Variants in DYNC1LI2 observed in about 807,000 individuals in gnomAD.
DYNC1LI2 encodes dynein cytoplasmic 1 light intermediate chain 2.
In DYNC1LI2, 19 loss-of-function variants were observed where a neutral mutation model predicts 57.8. That is an observed-to-expected ratio of 0.33 (90% CI 0.23 to 0.48). The LOEUF (loss-of-function observed/expected upper bound fraction) is 0.48. DYNC1LI2 is among the 20% of genes least tolerant of loss of function. DYNC1LI2 has a pLI of 0.99. For missense variants in DYNC1LI2, 470 were observed against 604.2 expected, an observed-to-expected ratio of 0.78 and a Z score of 2.33; for synonymous variants, 256 against 233.4, an observed-to-expected ratio of 1.10 and a Z score of -0.88.
chr16:66,733,379 T>A (rs1369948654), intron 6 of DYNC1LI2: 2 of 152,202 alleles, frequency 1.3e-5, no homozygotes, highest in Admixed American at 1.3e-4. Flanking sequence ...CTGGCCAACA[T>A]GCTGAAACCG....
chr16:66,751,166 C>T lies in DYNC1LI2; in HGVS notation c.181+107G>A. The T allele has an allele frequency of 1.5e-6, 2 of 1,318,452 alleles. No individual in the cohort carries two copies. Among genetic ancestry groups the T allele is most frequent in the Non-Finnish European group, 1.0e-6 (1 of 972,360 alleles). The allele number at this position is 1,318,452 out of a possible 1,614,324, so 81.7% of individuals were successfully genotyped here. ...CCAGGGCCGACGGTCCCTTTCCCGC[C>T]AGGCTGCGGGCAGGCGGCTGGAACG... On this transcript the variant is annotated intron_variant, in intron 2 of 12. Transcript: ENST00000258198. The surrounding 1 kb of genome is among the most constrained non-coding windows in gnomAD (Gnocchi z 5.2).
chr16:66,750,017 T>A (rs1369005707), intron 2 of DYNC1LI2, among the ~76,000 whole-genome samples: 1 of 152,170 alleles, frequency 6.6e-6, no homozygotes. Flanking sequence ...TTACAGAACA[T>A]GAGAATTGAA....
rs2018039598 is a variant in DYNC1LI2, at chr16:66,751,081, C to G, written c.181+192G>C. On this transcript the variant is annotated intron_variant, in intron 2 of 12. Coordinates refer to ENST00000258198, the MANE Select transcript of DYNC1LI2 (RefSeq NM_006141.3). This position sits in a 1 kb window ranked among gnomAD's most constrained non-coding sequence, Gnocchi z 5.2. ...AACCCCAAAGCACCACTACGCTCTC[C>G]AAAGAGGGCAGCATCCCACCCTCAG... 2.0e-5 allele frequency among the ~76,000 whole-genome samples: 3 copies of G among 152,222 alleles called. No individual in the cohort carries two copies. The highest frequency in any genetic ancestry group is 2.0e-4 in the Admixed American group (3 of 15,290).
intron 4 of DYNC1LI2, chr16:66,738,291 G>A (rs529348546): frequency 3.1e-5 from 4 of 128,754 alleles, no homozygotes; most frequent in South Asian, 2.5e-4. Flanking sequence ...CTCTGTTGCC[G>A]AGGCTGGAGT....
At chr16:66,741,173 T>TA (rs2017829938) in intron 4 of DYNC1LI2, among the ~76,000 whole-genome samples, 1 of 152,200 alleles carries the variant, frequency 6.6e-6, no homozygotes, top group Non-Finnish European at 1.5e-5. Context: ...GTTATCACTC[T>TA]AAGAAAACAG....
At chr16:66,744,941 C>T (rs902691675) in intron 3 of DYNC1LI2, among the ~76,000 whole-genome samples, 5 of 152,088 alleles carry the variant, frequency 3.3e-5, no homozygotes, top group African/African-American at 1.2e-4. Context: ...GAGATGGAGT[C>T]TCCCTCTGTC....
chr16:66,731,130 T>A (rs1056705115), intron 7 of DYNC1LI2: 4 of 152,206 alleles, frequency 2.6e-5, no homozygotes, highest in African/African-American at 9.7e-5. Flanking sequence ...GGGCAGGGCA[T>A]GATTGAGATA....
intron 3 of DYNC1LI2, among the ~76,000 whole-genome samples, chr16:66,747,638 C>T (rs1386810592): frequency 2.0e-5 from 3 of 149,756 alleles, no homozygotes; most frequent in Admixed American, 6.7e-5. Flanking sequence ...GGTGCAATCT[C>T]GGCTCACTGC....
At chr16:66,745,469 G>A (rs1042640499) in intron 3 of DYNC1LI2, among the ~76,000 whole-genome samples, 2 of 151,140 alleles carry the variant, frequency 1.3e-5, no homozygotes, top group African/African-American at 2.4e-5. Flanking sequence ...GTAGAAATGG[G>A]GTTTCACCAC....
At chr16:66,736,370 T>C (rs2017735647) in intron 4 of DYNC1LI2, 126 bp from the exon 5 acceptor site, 1 of 1,151,968 alleles carries the variant, frequency 8.7e-7, no homozygotes, top group Admixed American at 2.7e-5. Context: ...AACTTCTTAG[T>C]CACATCCAAC....
At position 66,751,135 on chromosome 16, in the gene DYNC1LI2, G is replaced by A; in HGVS notation, c.181+138C>T. ...CTGGAGGCTTGACCACTCTCCAGCT[G>A]ACCGGCCAGGGCCGACGGTCCCTTT... On this transcript the variant is annotated intron_variant, in intron 2 of 12. Coordinates refer to ENST00000258198, the MANE Select transcript of DYNC1LI2 (RefSeq NM_006141.3). The surrounding 1 kb of genome is among the most constrained non-coding windows in gnomAD (Gnocchi z 5.2). 2.0e-6 allele frequency: 2 copies of A among 999,152 alleles called. No homozygotes were observed. The highest frequency in any genetic ancestry group is 2.9e-6 in the Non-Finnish European group (2 of 697,734). The allele number at this position is 999,152 out of a possible 1,614,324, so 61.9% of individuals were successfully genotyped here. A position where few individuals can be genotyped will look rare whatever the true frequency, so the allele number is the denominator to read the frequency against.
rs747246253 is a variant in DYNC1LI2, at chr16:66,742,362, T to C, written c.529+76A>G. The C allele has an allele frequency of 2.5e-4, 370 of 1,458,836 alleles. 1 individual carries two copies. Among genetic ancestry groups the C allele is most frequent in the Non-Finnish European group, 3.4e-4 (360 of 1,068,852 alleles). The allele number at this position is 1,458,836 out of a possible 1,614,324, so 90.4% of individuals were successfully genotyped here. A position where few individuals can be genotyped will look rare whatever the true frequency, so the allele number is the denominator to read the frequency against. The stretch of plus-strand genomic sequence containing the variant: ...ACGAAGCAAGGGAAGCCTCTAGGAT[T>C]GGGAAAAGGAAAGTGATTCAAACCA... On this transcript the variant is annotated intron_variant, in intron 4 of 12. Transcript: ENST00000258198.
chr16:66,734,191 A>G (rs2017688376), intron 6 of DYNC1LI2, 27 bp downstream of exon 6: 1 of 1,610,546 alleles, frequency 6.2e-7, no homozygotes, highest in African/African-American at 1.3e-5. Flanking sequence ...CCTGTGACCC[A>G]GGCCCCACAC....
chr16:66,746,636 T>G (rs1012621989), intron 3 of DYNC1LI2, among the ~76,000 whole-genome samples: 5 of 152,196 alleles, frequency 3.3e-5, no homozygotes, highest in African/African-American at 1.2e-4. Context: ...AATATGCTTA[T>G]GGTATCTTGA....
intron 3 of DYNC1LI2, among the ~76,000 whole-genome samples, chr16:66,748,549 A>G (rs2017981691): frequency 6.7e-6 from 1 of 149,246 alleles, no homozygotes; most frequent in African/African-American, 2.4e-5. Flanking sequence ...GAAGAAACAC[A>G]GAAAATGGGC....
intron 12 of DYNC1LI2, 95 bp downstream of exon 12, chr16:66,725,733 G>T: frequency 8.0e-7 from 1 of 1,253,526 alleles, no homozygotes; most frequent in Non-Finnish European, 1.1e-6. Context: ...TGGCTATTCA[G>T]GACACTGCAG....
intron 7 of DYNC1LI2, 127 bp downstream of exon 7, chr16:66,732,212 A>C (rs2017649545): frequency 8.5e-7 from 1 of 1,178,208 alleles, no homozygotes; most frequent in Admixed American, 2.8e-5. Flanking sequence ...GAACAGAGAG[A>C]AGGTGCAGTG....
rs1330705996 is a variant in DYNC1LI2, at chr16:66,729,095, A to C, written c.1046T>G (p.Val349Gly). Residue 349 changes from valine (V) to glycine (G), a missense_variant, in exon 9 of 13, where the codon GTC (valine) becomes GGC (glycine). Transcript: ENST00000258198. ...TTCTGCTGCCAACTCTTTGTCGTGG[A>C]CCAGCTGTGAAACAACATACATGTT... is the stretch of plus-strand genomic sequence containing the variant. ...FIVKPPVRKL[V>G]HDKELAAEDE... is the part of the protein sequence containing the mutation. 6.2e-7 allele frequency: 1 copy of C among 1,614,130 alleles called. No homozygotes were observed. Among genetic ancestry groups the C allele is most frequent in the Non-Finnish European group, 8.5e-7 (1 of 1,180,042 alleles).
Position 66,732,570 on chromosome 16 carries a change from T to C in DYNC1LI2, c.794-96A>G, listed in dbSNP as rs1414048868. ...GTACTACTCATAGGTTGATCAGTTT[T>C]TGATCAATATATGAGCAACAGAAAG... On this transcript the variant is annotated intron_variant, in intron 6 of 12. Coordinates refer to ENST00000258198, the MANE Select transcript of DYNC1LI2 (RefSeq NM_006141.3). The C allele has an allele frequency of 2.2e-6, 3 of 1,358,528 alleles. No homozygotes were observed. The African/African-American group carries it at 4.4e-5, about 20-fold the overall frequency. The allele number at this position is 1,358,528 out of a possible 1,614,324, so 84.2% of individuals were successfully genotyped here.
Sources: allele counts gnomAD v4.1 joint callset (sites outside exome capture counted in the v4.1 genomes callset), GRCh38; gene constraint gnomAD v4.1.1; non-coding constraint Gnocchi (gnomAD v3.1); transcripts MANE v1.5; gene names NCBI Gene and HGNC (gene_info 2026-07-23, HGNC 2026-07-21).